The following OR7C1 variants were observed in gnomAD, a reference collection of about 807,000 sequenced individuals.
OR7C1 encodes olfactory receptor 7C1.
For synonymous variants in OR7C1, 152 were observed against 160.7 expected, an observed-to-expected ratio of 0.95 and a Z score of 0.41; for missense variants, 324 against 383.3, an observed-to-expected ratio of 0.85 and a Z score of 1.29.
At chr19:14,829,417 G>A (rs1377101584) in intron 1 of OR7C1, among the ~76,000 whole-genome samples, 1 of 152,126 alleles carries the variant, frequency 6.6e-6, no homozygotes, top group Middle Eastern at 3.2e-3. Flanking sequence ...TGGTCAGGCT[G>A]GTCTTGAACT....
At chr19:14,800,320 G>A in exon 4 of OR7C1, 1 of 661,316 alleles carries the variant, frequency 1.5e-6, no homozygotes, top group East Asian at 2.8e-5. Context: ...GCTACCATCG[G>A]GATCTGGAAA....
At chr19:14,832,898 A>G (rs2044847750) in intron 1 of OR7C1, among the ~76,000 whole-genome samples, 1 of 151,788 alleles carries the variant, frequency 6.6e-6, no homozygotes, top group Non-Finnish European at 1.5e-5. Flanking sequence ...ATTTAATCAT[A>G]TCAACATAAA....
intron 1 of OR7C1, among the ~76,000 whole-genome samples, chr19:14,815,786 T>TGTGTGTGC (rs1555695054): frequency 1.2e-5 from 1 of 82,036 alleles, no homozygotes; most frequent in Admixed American, 1.0e-4. Context: ...AGTTTGTGCG[T>TGTGTGTGC]GTGTGTGTGT....
At chr19:14,829,257 G>A (rs565841783) in intron 1 of OR7C1, among the ~76,000 whole-genome samples, 88 of 152,320 alleles carry the variant, frequency 5.8e-4, no homozygotes, top group Middle Eastern at 3.4e-3. Context: ...GGGCTGGAGC[G>A]CAGTGGCGCA....
chr19:14,829,392 G>A lies in OR7C1; in HGVS notation c.-623+5682C>T, dbSNP rs574679324. Among the ~76,000 whole-genome samples the A allele has an allele frequency of 8.0e-4, 122 of 152,236 alleles. 2 individuals are homozygous for A. The highest frequency in any genetic ancestry group is 2.6e-3 in the African/African-American group (106 of 41,534). On this transcript the variant is annotated intron_variant, in intron 1 of 4. Transcript: ENST00000641666. ...CTAATTTTGTATTTTTAGTAGAGAC[G>A]GGGTTTCTCCATGTTGGTCAGGCTG...
At position 14,834,389 on chromosome 19, in the gene OR7C1, T is replaced by G. The variant is rs187204989; in HGVS notation, c.-623+685A>C. Among the ~76,000 whole-genome samples, 61 of 152,280 alleles carry G rather than the reference T, an allele frequency of 4.0e-4. 1 individual carries two copies. The highest frequency in any genetic ancestry group is 3.4e-3 in the Middle Eastern group (1 of 294). On this transcript the variant is annotated intron_variant, in intron 1 of 4. Transcript: ENST00000641666. ...CTATTGATATTCTGGGCTAGATCAC[T>G]CTCTTTGATAAAGTCTATCCTATAC...
chr19:14,815,883 G>T (rs1369333173), intron 1 of OR7C1, among the ~76,000 whole-genome samples: 1 of 151,860 alleles, frequency 6.6e-6, no homozygotes, highest in Non-Finnish European at 1.5e-5. Context: ...GTACAGTGGT[G>T]CAATCATGGC....
chr19:14,803,327 G>T (rs1015314507), intron 2 of OR7C1, among the ~76,000 whole-genome samples: 2 of 116,644 alleles, frequency 1.7e-5, no homozygotes, highest in Non-Finnish European at 1.8e-5. Context: ...AAAAAAAAAA[G>T]AAAAGATTGG....
chr19:14,822,567 A>G (rs1342886441), intron 1 of OR7C1, among the ~76,000 whole-genome samples: 1 of 151,646 alleles, frequency 6.6e-6, no homozygotes, highest in African/African-American at 2.4e-5. Flanking sequence ...TATTTTTAGT[A>G]GAGATGGGGT....
intron 1 of OR7C1, among the ~76,000 whole-genome samples, chr19:14,814,014 C>A (rs1028861300): frequency 1.3e-5 from 2 of 151,892 alleles, no homozygotes; most frequent in African/African-American, 4.8e-5. Flanking sequence ...ACACCATATA[C>A]AAAATTCACT....
rs754690552 is a variant in OR7C1 at position 14,800,169 on chromosome 19, A to T, written c.-13-20T>A. The T allele has an allele frequency of 6.6e-7, 1 of 1,512,428 alleles. No homozygotes were observed. 93.7% of individuals were successfully genotyped at this position (1,512,428 alleles called of 1,614,324 possible). The stretch of plus-strand genomic sequence containing the variant: ...AAATAACTGCCACAAGAGAGAAAAA[A>T]GCAACAGTCAATTATCAACACACTG... On this transcript the variant is annotated intron_variant, in intron 4 of 4. Transcript: ENST00000641666.
intron 1 of OR7C1, among the ~76,000 whole-genome samples, chr19:14,833,460 CA>C (rs1568255697): frequency 6.6e-6 from 1 of 152,194 alleles, no homozygotes; most frequent in East Asian, 1.9e-4. Flanking sequence ...TCCTGGTTGA[CA>C]GGGCGAGACT....
exon 5 of OR7C1, chr19:14,799,421 G>A (rs1018697457): frequency 1.2e-6 from 2 of 1,614,080 alleles, no homozygotes; most frequent in African/African-American, 1.3e-5. Context: ...ACCACAGGTG[G>A]AAAACGCTTT....
Position 14,807,409 on chromosome 19 carries a change from A to T in OR7C1, c.-435+2397T>A, listed in dbSNP as rs139157876. 1.6e-4 allele frequency among the ~76,000 whole-genome samples: 24 copies of T among 151,970 alleles called. No individual in the cohort carries two copies. The East Asian group carries it at 3.7e-3, about 23-fold the overall frequency. Reference sequence around the variant, plus strand: ...CACTCTCTATTGCAAAATCATGGAGAGTTGAAGCATAGGAATTTATTTGAT... The same window carrying T: ...CACTCTCTATTGCAAAATCATGGAGTGTTGAAGCATAGGAATTTATTTGAT... On this transcript the variant is annotated intron_variant, in intron 2 of 4. Transcript: ENST00000641666.
exon 5 of OR7C1, chr19:14,799,574 G>A: frequency 1.2e-6 from 2 of 1,614,190 alleles, no homozygotes; most frequent in Non-Finnish European, 1.7e-6. Flanking sequence ...GTCAGAACAG[G>A]CGAGCTTCAG....
chr19:14,822,669 A>C (rs1464407202), intron 1 of OR7C1, among the ~76,000 whole-genome samples: 1 of 152,010 alleles, frequency 6.6e-6, no homozygotes, highest in Non-Finnish European at 1.5e-5. Flanking sequence ...GGCATGAGCC[A>C]CCGCACCCAG....
intron 1 of OR7C1, among the ~76,000 whole-genome samples, chr19:14,820,047 C>T (rs1030567038): frequency 6.6e-6 from 1 of 152,126 alleles, no homozygotes; most frequent in Non-Finnish European, 1.5e-5. Flanking sequence ...GCTGGGATTA[C>T]AGGCATGCGC....
At chr19:14,809,861 C>G (rs754234606) in exon 2 of OR7C1, 2 of 152,074 alleles carry the variant, frequency 1.3e-5, no homozygotes, top group Non-Finnish European at 2.9e-5. Context: ...TGTTGACCTT[C>G]CCTCCTTGCA....
At chr19:14,801,005 G>A (rs907564974) in intron 2 of OR7C1, among the ~76,000 whole-genome samples, 3 of 151,936 alleles carry the variant, frequency 2.0e-5, no homozygotes, top group African/African-American at 2.4e-5. Flanking sequence ...TTAAACCTCC[G>A]CCTCTGAACT....
Sources: allele counts gnomAD v4.1 joint callset (sites outside exome capture counted in the v4.1 genomes callset), GRCh38; gene constraint gnomAD v4.1.1; transcripts MANE v1.5; gene names NCBI Gene and HGNC (gene_info 2026-07-23, HGNC 2026-07-21).